The following CCDC125 variants were observed in gnomAD, a reference collection of about 807,000 sequenced individuals.
CCDC125 encodes coiled-coil domain-containing protein 125.
In CCDC125, 43 loss-of-function variants were observed where a neutral mutation model predicts 57.4. That is an observed-to-expected ratio of 0.75 (90% CI 0.59 to 0.97). CCDC125 has a LOEUF of 0.97. Among genes scored for constraint, CCDC125 ranks in the 50% least tolerant of loss-of-function variants. CCDC125 has a pLI of 0.00. For missense variants in CCDC125, 563 were observed against 595.7 expected, an observed-to-expected ratio of 0.95 and a Z score of 0.57; for synonymous variants, 187 against 195.2, an observed-to-expected ratio of 0.96 and a Z score of 0.35.
chr5:69,315,759 T>A (rs1197018574), intron 2 of CCDC125, among the ~76,000 whole-genome samples: 7 of 6,110 alleles, frequency 1.1e-3, no homozygotes, highest in Admixed American at 2.1e-3. Flanking sequence ...AAACTCCGTC[T>A]CAAAAAAAAA....
At chr5:69,324,406 C>A (rs146427171) in intron 1 of CCDC125, among the ~76,000 whole-genome samples, 3 of 152,154 alleles carry the variant, frequency 2.0e-5, no homozygotes, top group Non-Finnish European at 4.4e-5. Context: ...CATGGTACAA[C>A]CACTGTGGAA....
At chr5:69,316,342 G>A (rs1759099481) in intron 2 of CCDC125, among the ~76,000 whole-genome samples, 1 of 152,162 alleles carries the variant, frequency 6.6e-6, no homozygotes, top group African/African-American at 2.4e-5. Flanking sequence ...ACTCATAAGA[G>A]TCCTTATACA....
At chr5:69,291,401 G>A (rs546483988) in intron 10 of CCDC125, among the ~76,000 whole-genome samples, 6 of 149,614 alleles carry the variant, frequency 4.0e-5, no homozygotes, top group Non-Finnish European at 7.4e-5. Flanking sequence ...TCATTCCGTC[G>A]CCCAGTGCAG....
chr5:69,322,851 G>A (rs1032359420), intron 1 of CCDC125, among the ~76,000 whole-genome samples: 4 of 150,852 alleles, frequency 2.7e-5, no homozygotes, highest in East Asian at 4.1e-4. Context: ...GTGAGCCACC[G>A]CACTGGCCCA....
At chr5:69,293,659 A>C (rs1156900028) in intron 9 of CCDC125, among the ~76,000 whole-genome samples, 1 of 151,916 alleles carries the variant, frequency 6.6e-6, no homozygotes, top group Non-Finnish European at 1.5e-5. Context: ...AAAAAAAAAA[A>C]AAACCCAAAC....
At chr5:69,307,775 T>C (rs955884980) in intron 5 of CCDC125, 176 bp downstream of exon 5, 1 of 575,680 alleles carries the variant, frequency 1.7e-6, no homozygotes, top group Admixed American at 3.0e-5. Flanking sequence ...CTGAATTCAT[T>C]GTGCACATGA....
intron 6 of CCDC125, among the ~76,000 whole-genome samples, chr5:69,304,974 T>C (rs1340161168): frequency 2.0e-5 from 3 of 151,526 alleles, no homozygotes; most frequent in Non-Finnish European, 4.4e-5. Flanking sequence ...TGGGGGAGGC[T>C]GTGTATATGG....
downstream of CCDC125, among the ~76,000 whole-genome samples, chr5:69,279,438 C>T (rs12188270): frequency 0.28 from 41,935 of 152,024 alleles, 6,420 homozygotes; most frequent in East Asian, 0.39. Context: ...CCTCGTGATC[C>T]GCCCACCTTG....
downstream of CCDC125, among the ~76,000 whole-genome samples, chr5:69,279,073 G>A (rs528858012): frequency 6.6e-6 from 1 of 151,710 alleles, no homozygotes; most frequent in Non-Finnish European, 1.5e-5. Context: ...AGTTCTGTAG[G>A]CCATATATCT....
chr5:69,320,100 G>C, intron 2 of CCDC125, 137 bp downstream of exon 2: 2 of 858,242 alleles, frequency 2.3e-6, no homozygotes, highest in East Asian at 2.6e-5. Context: ...TCCAGCCTGG[G>C]TGACAGAGCA....
At chr5:69,276,793 G>C (rs1333426649), downstream of CCDC125, 1 of 978,034 alleles carries the variant, frequency 1.0e-6, no homozygotes. Context: ...TAGCTTGCTA[G>C]CTATTTAATT....
Position 69,282,446 on chromosome 5 carries a change from G to A in CCDC125, c.*283C>T, listed in dbSNP as rs766598968. 9 of 259,766 alleles carry A rather than the reference G, an allele frequency of 3.5e-5. No homozygotes were observed. Among genetic ancestry groups the A allele is most frequent in the Non-Finnish European group, 5.1e-5 (7 of 138,558 alleles). 16.1% of individuals were successfully genotyped at this position (259,766 alleles called of 1,614,324 possible). ...GCGTGGTGGCACATGCCTGTAATCC[G>A]AGTTACTCGGGAGGCTGAGGCAGGA... On this transcript the variant is annotated 3_prime_UTR_variant, in exon 12 of 12. Transcript: ENST00000396496.
chr5:69,322,784 A>G (rs974856383), intron 1 of CCDC125, among the ~76,000 whole-genome samples: 1 of 151,476 alleles, frequency 6.6e-6, no homozygotes, highest in Non-Finnish European at 1.5e-5. Flanking sequence ...GCTGGTCTCA[A>G]ACTCCTGACC....
chr5:69,284,249 T>A (rs1752951154), intron 11 of CCDC125, among the ~76,000 whole-genome samples: 1 of 152,188 alleles, frequency 6.6e-6, no homozygotes, highest in African/African-American at 2.4e-5. Context: ...TCAACGTGCA[T>A]ATTTATAAAA....
intron 1 of CCDC125, among the ~76,000 whole-genome samples, chr5:69,331,853 G>A (rs764450905): frequency 2.0e-5 from 3 of 152,218 alleles, no homozygotes; most frequent in Non-Finnish European, 2.9e-5. Context: ...TTCCACATCT[G>A]AGTCTTCCCA....
At chr5:69,318,753 C>T (rs958331792) in intron 2 of CCDC125, among the ~76,000 whole-genome samples, 6 of 151,164 alleles carry the variant, frequency 4.0e-5, no homozygotes, top group African/African-American at 1.5e-4. Flanking sequence ...GACTCCACCT[C>T]ATAATAAATA....
intron 2 of CCDC125, 29 bp downstream of exon 2, chr5:69,320,208 A>C: frequency 6.3e-7 from 1 of 1,577,708 alleles, no homozygotes; most frequent in South Asian, 1.1e-5. Flanking sequence ...CACAGGAGAA[A>C]GAAAGGAGAG....
chr5:69,307,694 A>AG (rs1441477345), intron 5 of CCDC125: 8 of 437,834 alleles, frequency 1.8e-5, no homozygotes, highest in East Asian at 1.2e-4. Flanking sequence ...AAAAAAAAAA[A>AG]AAGAAGAAGA....
chr5:69,325,105 C>T (rs1760560479), intron 1 of CCDC125, among the ~76,000 whole-genome samples: 1 of 151,990 alleles, frequency 6.6e-6, no homozygotes, highest in South Asian at 2.1e-4. Flanking sequence ...GGGCGGATCA[C>T]GTGAGGTCAG....
Sources: allele counts gnomAD v4.1 joint callset (sites outside exome capture counted in the v4.1 genomes callset), GRCh38; gene constraint gnomAD v4.1.1; transcripts MANE v1.5; gene names NCBI Gene and HGNC (gene_info 2026-07-23, HGNC 2026-07-21).